TDRD12: variants seen among roughly 807,000 people sequenced by gnomAD.
TDRD12 encodes putative ATP-dependent RNA helicase TDRD12.
Under a neutral mutation model 133.5 loss-of-function variants are expected in TDRD12, and 158 were observed. The ratio of observed to expected loss-of-function variants is 1.18; its 90% CI spans 1.04 to 1.35. The LOEUF (loss-of-function observed/expected upper bound fraction) is 1.35, where lower values mean the gene tolerates loss of function less well. Among genes scored for constraint, TDRD12 ranks in the 40% most tolerant of loss-of-function variants. The probability of loss-of-function intolerance (pLI) is 0.00; values close to 1 mark genes in which losing one functional copy is unlikely to be tolerated. For synonymous variants in TDRD12, 460 were observed against 477.9 expected, an observed-to-expected ratio of 0.96 and a Z score of 0.49; for missense variants, 1,443 against 1,321.3, an observed-to-expected ratio of 1.09 and a Z score of -1.43.
rs188681513 is a variant in TDRD12, at chr19:32,750,868, T to C, written c.582+999T>C. Among the ~76,000 whole-genome samples, 13 of 152,368 alleles carry C rather than the reference T, an allele frequency of 8.5e-5. No individual in the cohort carries two copies. In the East Asian group the frequency reaches 2.5e-3, roughly 29 times the overall value. ...ATTTTTGGCAAGAAGCCCACAGAAG[T>C]GATACTGTGCCCTTCTCAGTGCATC... On this transcript the variant is annotated intron_variant, in intron 6 of 27. Coordinates refer to ENST00000444215, the Ensembl canonical transcript of TDRD12.
intron 2 of TDRD12, among the ~76,000 whole-genome samples, chr19:32,732,907 T>C (rs1969102750): frequency 1.3e-5 from 2 of 152,236 alleles, no homozygotes. Flanking sequence ...GCATGCTGGC[T>C]CTTGCCTGTA....
At chr19:32,759,546 G>A (rs529578273) in intron 8 of TDRD12, among the ~76,000 whole-genome samples, 3 of 152,220 alleles carry the variant, frequency 2.0e-5, no homozygotes, top group African/African-American at 7.2e-5. Context: ...TTGAACCCAG[G>A]AGGCAGAGGT....
intron 1 of TDRD12, among the ~76,000 whole-genome samples, chr19:32,728,085 G>T (rs764523553): frequency 2.8e-4 from 43 of 152,212 alleles, no homozygotes; most frequent in South Asian, 1.0e-3. Context: ...GACCACAAGG[G>T]TTTATTCTGG....
chr19:32,730,789 G>T (rs1018967369), intron 1 of TDRD12, among the ~76,000 whole-genome samples: 1 of 152,160 alleles, frequency 6.6e-6, no homozygotes, highest in African/African-American at 2.4e-5. Context: ...GCTGAGATGG[G>T]CGAATCACCT....
At chr19:32,802,967 C>G (rs1250479873) in exon 21 of TDRD12, 5 of 1,535,956 alleles carry the variant, frequency 3.3e-6, no homozygotes, top group Non-Finnish European at 3.5e-6. Flanking sequence ...ATCTGTCTTG[C>G]TGCTGACGGA....
intron 18 of TDRD12, 43 bp downstream of exon 18, chr19:32,800,815 T>C: frequency 6.7e-7 from 1 of 1,483,194 alleles, no homozygotes; most frequent in Non-Finnish European, 8.9e-7. Flanking sequence ...TTGTTTCAAC[T>C]GGTCGAATCT....
intron 11 of TDRD12, among the ~76,000 whole-genome samples, chr19:32,780,419 A>G (rs868342381): frequency 2.0e-5 from 3 of 152,236 alleles, no homozygotes; most frequent in Middle Eastern, 3.4e-3. Context: ...TACCATTTCA[A>G]TGTCAGAGTC....
chr19:32,825,768 C>T (rs1391465230), downstream of TDRD12, among the ~76,000 whole-genome samples: 1 of 152,124 alleles, frequency 6.6e-6, no homozygotes, highest in East Asian at 1.9e-4. The surrounding 1 kb of genome is among the most constrained non-coding windows in gnomAD (Gnocchi z 4.1). Flanking sequence ...GTAATCCCAG[C>T]TACTTGGTAG....
chr19:32,757,258 A>G (rs1329909333), intron 8 of TDRD12, 128 bp downstream of exon 8: 37 of 745,870 alleles, frequency 5.0e-5, no homozygotes, highest in Non-Finnish European at 7.7e-5. Flanking sequence ...TAATGTAACC[A>G]ATTTGTGATG....
chr19:32,730,705 G>A (rs1239020956), intron 1 of TDRD12, among the ~76,000 whole-genome samples: 1 of 103,256 alleles, frequency 9.7e-6, no homozygotes, highest in East Asian at 3.0e-4. Flanking sequence ...GCAGAGTTAG[G>A]TAATACTTTT....
At chr19:32,810,325 A>G in intron 23 of TDRD12, 48 bp downstream of exon 23, 1 of 1,422,528 alleles carries the variant, frequency 7.0e-7, no homozygotes, top group East Asian at 2.5e-5. Context: ...GCATGAGGTA[A>G]CTAAGTGGTG....
rs1969063539 is a variant in TDRD12, at chr19:32,731,780, A to G, written c.80A>G (p.Asp27Gly). 4 of 1,551,154 alleles carry G rather than the reference A, an allele frequency of 2.6e-6. No individual in the cohort carries two copies. The South Asian group carries it at 3.6e-5, about 14-fold the overall frequency. ...ATAAAAGGGTGTAGTCCCTTTTTAG[A>G]TCATGATGTCGATTATCAAAAATTA... is the stretch of plus-strand genomic sequence containing the variant. The change falls in exon 2 of 28, where the codon GAT becomes GGT. Residue 27 changes from aspartate to glycine, a missense_variant. Coordinates refer to ENST00000444215, the Ensembl canonical transcript of TDRD12.
chr19:32,826,175 G>T, downstream of TDRD12: 1 of 1,534,330 alleles, frequency 6.5e-7, no homozygotes, highest in Admixed American at 2.0e-5. Context: ...CGTCCACTCG[G>T]CATGGAGGAG....
intron 2 of TDRD12, among the ~76,000 whole-genome samples, chr19:32,732,879 T>C (rs1969101932): frequency 6.6e-6 from 1 of 152,188 alleles, no homozygotes; most frequent in Non-Finnish European, 1.5e-5. Context: ...TTTAAAAATA[T>C]TCCACATTTT....
intron 2 of TDRD12, among the ~76,000 whole-genome samples, chr19:32,733,362 A>G (rs572945749): frequency 2.9e-4 from 44 of 152,016 alleles, no homozygotes; most frequent in Non-Finnish European, 3.7e-4. Context: ...CCCAGCTACT[A>G]GAGAGGCTGA....
chr19:32,722,931 C>T (rs1160352027), intron 1 of TDRD12, among the ~76,000 whole-genome samples: 4 of 152,128 alleles, frequency 2.6e-5, no homozygotes, highest in Non-Finnish European at 4.4e-5. Flanking sequence ...CTGCCCTCCT[C>T]GGCCTCCCAA....
chr19:32,794,092 CTTTTTTTTTTTTT>C (rs751938374), intron 13 of TDRD12, among the ~76,000 whole-genome samples: 1 of 49,828 alleles, frequency 2.0e-5, no homozygotes, highest in South Asian at 8.5e-4. Context: ...CTGTGCCTGG[CTTTTTTTTTTTTT>C]TTTTTTTTTT....
At chr19:32,769,997 CT>C (rs10644275) in intron 8 of TDRD12, among the ~76,000 whole-genome samples, 114 of 144,158 alleles carry the variant, frequency 7.9e-4, no homozygotes, top group Middle Eastern at 3.6e-3. Flanking sequence ...GGTATGTGTT[CT>C]TTTTTTTTTT....
In TDRD12 at chr19:32,807,534, T is replaced by G. The variant is rs1204423187; in HGVS notation, c.2553-15T>G. The G allele has an allele frequency of 5.0e-5, 74 of 1,482,724 alleles. No homozygotes were observed. Among genetic ancestry groups the G allele is most frequent in the Non-Finnish European group, 6.5e-5 (73 of 1,117,952 alleles). The allele number at this position is 1,482,724 out of a possible 1,614,324, so 91.8% of individuals were successfully genotyped here. A position where few individuals can be genotyped will look rare whatever the true frequency, so the allele number is the denominator to read the frequency against. On this transcript the variant is annotated splice_polypyrimidine_tract_variant and intron_variant, in intron 21 of 27. Coordinates refer to ENST00000444215, the Ensembl canonical transcript of TDRD12. The stretch of plus-strand genomic sequence containing the variant: ...TATTACTTACTTATGATAAGTCTAG[T>G]CATTTCATTTTCAGAGACAAAAGGA...
Sources: allele counts gnomAD v4.1 joint callset (sites outside exome capture counted in the v4.1 genomes callset), GRCh38; gene constraint gnomAD v4.1.1; non-coding constraint Gnocchi (gnomAD v3.1); transcripts MANE v1.5; gene names NCBI Gene and HGNC (gene_info 2026-07-23, HGNC 2026-07-21).